ABHD2: variants seen among roughly 807,000 people sequenced by gnomAD.
ABHD2 encodes the protein abhydrolase domain containing 2, acylglycerol lipase, also known as monoacylglycerol lipase ABHD2.
In ABHD2, 20 loss-of-function variants were observed where a neutral mutation model predicts 48.1. That is an observed-to-expected ratio of 0.42 (90% CI 0.29 to 0.60). The LOEUF (loss-of-function observed/expected upper bound fraction) is 0.60, where lower values mean the gene tolerates loss of function less well. Ranked by LOEUF, ABHD2 falls within the 20% of genes least tolerant of loss-of-function variation. ABHD2 has a pLI of 0.24. For missense variants in ABHD2, 405 were observed against 550.9 expected (o/e 0.74, Z 2.65); for synonymous variants, 209 against 214.2 (o/e 0.98, Z 0.21).
chr15:89,125,166 G>T (rs550152891), intron 3 of ABHD2, among the ~76,000 whole-genome samples: 1 of 151,748 alleles, frequency 6.6e-6, no homozygotes, highest in African/African-American at 2.4e-5. Context: ...TGAGGCAGAA[G>T]AATCACTTGA....
At chr15:89,054,273 G>A in the ABHD2 span, among the ~76,000 whole-genome samples, 7 of 149,668 alleles carry the variant, frequency 4.7e-5, no homozygotes, top group African/African-American at 1.7e-4. Flanking sequence ...AGTGAGCCGA[G>A]ATAGCACCGC....
intron 3 of ABHD2, among the ~76,000 whole-genome samples, chr15:89,134,585 A>G (rs1195231866): frequency 6.6e-6 from 1 of 152,160 alleles, no homozygotes; most frequent in Non-Finnish European, 1.5e-5. Flanking sequence ...GCTTGTTTTC[A>G]TACTTTTCTT....
At position 89,092,419 on chromosome 15, in the gene ABHD2, T is replaced by G; in HGVS notation, c.-107+3856T>G. ...ACAGTTGACAAGATTAACAAATTAG[T>G]TTGGTTTGTTGCTTAAAAACTATTT... On this transcript the variant is annotated intron_variant, in intron 1 of 10. Transcript: ENST00000352732. This position sits in a 1 kb window ranked among gnomAD's most constrained non-coding sequence, Gnocchi z 4.4. Among the ~76,000 whole-genome samples, 1 of 152,346 alleles carries G rather than the reference T, an allele frequency of 6.6e-6. No individual in the cohort carries two copies. The highest frequency in any genetic ancestry group is 2.4e-5 in the African/African-American group (1 of 41,582).
intron 3 of ABHD2, among the ~76,000 whole-genome samples, chr15:89,131,344 C>A (rs758039537): frequency 3.9e-5 from 6 of 152,236 alleles, no homozygotes; most frequent in East Asian, 1.9e-4. Context: ...TACCTCCACA[C>A]AGCCTCTTTA....
At chr15:89,084,133 C>T (rs185597766), upstream of ABHD2, among the ~76,000 whole-genome samples, 2 of 151,268 alleles carry the variant, frequency 1.3e-5, no homozygotes, top group East Asian at 1.9e-4. This position sits in a 1 kb window ranked among gnomAD's most constrained non-coding sequence, Gnocchi z 4.4. Flanking sequence ...AACCTTAACT[C>T]GGTCCTCAAA....
intron 3 of ABHD2, among the ~76,000 whole-genome samples, chr15:89,143,421 A>T (rs1412276513): frequency 6.6e-6 from 1 of 152,170 alleles, no homozygotes; most frequent in Non-Finnish European, 1.5e-5. Flanking sequence ...TAATCCCAGC[A>T]CTTTGGGAGG....
At chr15:89,041,890 C>T in the ABHD2 span, among the ~76,000 whole-genome samples, 41 of 152,036 alleles carry the variant, frequency 2.7e-4, 1 homozygote, top group Admixed American at 1.9e-3. Flanking sequence ...GCATCTTCCC[C>T]TACCTGGAAT....
Position 89,097,932 on chromosome 15 carries a change from G to C in ABHD2, c.-107+9369G>C, listed in dbSNP as rs1399143993. 6.6e-6 allele frequency among the ~76,000 whole-genome samples: 1 copy of C among 151,918 alleles called. No individual in the cohort carries two copies. The highest frequency in any genetic ancestry group is 6.6e-5 in the Admixed American group (1 of 15,252). ...TTTTGAGACAGTCTCACTCTGTCACGCAGGCTGGATTGCAGTGGCAGGATC... is the reference window on the plus strand; with the variant it reads ...TTTTGAGACAGTCTCACTCTGTCACCCAGGCTGGATTGCAGTGGCAGGATC... On this transcript the variant is annotated intron_variant, in intron 1 of 10. Coordinates refer to ENST00000352732, the MANE Select transcript of ABHD2 (RefSeq NM_152924.5). This position sits in a 1 kb window ranked among gnomAD's most constrained non-coding sequence, Gnocchi z 4.2.
chr15:89,192,666 G>A (rs4932213), intron 9 of ABHD2, among the ~76,000 whole-genome samples: 136,482 of 152,184 alleles, frequency 0.9, 61,408 homozygotes, highest in East Asian at 1. Flanking sequence ...TAAGCCATAA[G>A]CCTGACCTAG....
intron 5 of ABHD2, among the ~76,000 whole-genome samples, chr15:89,156,690 C>T (rs1392913880): frequency 6.6e-6 from 1 of 151,482 alleles, no homozygotes; most frequent in Non-Finnish European, 1.5e-5. Context: ...CCACTACACT[C>T]CAGCCTGGGC....
intron 3 of ABHD2, among the ~76,000 whole-genome samples, chr15:89,117,245 T>A (rs293393): frequency 6.6e-6 from 1 of 151,984 alleles, no homozygotes; most frequent in Non-Finnish European, 1.5e-5. Context: ...AGGCTGGTCT[T>A]GAACTCCTGA....
At position 89,175,968 on chromosome 15, in the gene ABHD2, G is replaced by C; in HGVS notation, c.695G>C (p.Ser232Thr). ...CAAGAGAAGGTCCTGTGCTGCGTCA[G>C]CGTGTGCCAGGGGTACAGTGCACTG... ...ANQEKVLCCV[S>T]VCQGYSALRA... The change falls in exon 6 of 11, where the codon AGC (serine) becomes ACC (threonine). Residue 232 changes from serine to threonine, a missense_variant. Ser to Thr is a moderately conservative substitution (Grantham distance 58, BLOSUM62 1). Transcript: ENST00000352732. The surrounding 1 kb of genome is among the most constrained non-coding windows in gnomAD (Gnocchi z 5.7). 2 of 1,612,462 alleles carry C rather than the reference G, an allele frequency of 1.2e-6. No homozygotes were observed. Among genetic ancestry groups the C allele is most frequent in the Non-Finnish European group, 1.7e-6 (2 of 1,179,056 alleles).
Position 89,111,957 on chromosome 15 carries a change from T to A in ABHD2, c.-106-1768T>A, listed in dbSNP as rs149006054. 2.0e-3 allele frequency among the ~76,000 whole-genome samples: 308 copies of A among 151,412 alleles called. 2 individuals are homozygous for A. Among genetic ancestry groups the A allele is most frequent in the East Asian group, 0.015 (80 of 5,184 alleles). ...ATTTTTTATTTATATATATATATAT[T>A]GATTGTATATTTTTCAAATATTCAG... On this transcript the variant is annotated intron_variant, in intron 1 of 10. Coordinates refer to ENST00000352732, the MANE Select transcript of ABHD2 (RefSeq NM_152924.5).
chr15:89,101,739 A>G (rs1190022075), intron 1 of ABHD2, among the ~76,000 whole-genome samples: 1 of 152,222 alleles, frequency 6.6e-6, no homozygotes, highest in Admixed American at 6.5e-5. Context: ...GGTGAGAAAT[A>G]GTATGATTTT....
the ABHD2 span, among the ~76,000 whole-genome samples, chr15:89,073,382 G>T: frequency 6.6e-6 from 1 of 152,060 alleles, no homozygotes; most frequent in African/African-American, 2.4e-5. Flanking sequence ...TGCAACTTCC[G>T]CCTCCTAGGT....
Position 89,196,661 on chromosome 15 carries a change from C to T in ABHD2, c.*1238C>T, listed in dbSNP as rs975684821. 6.6e-6 allele frequency: 1 copy of T among 152,062 alleles called. No homozygotes were observed. Among genetic ancestry groups the T allele is most frequent in the African/African-American group, 2.4e-5 (1 of 41,382 alleles). 9.4% of individuals were successfully genotyped at this position (152,062 alleles called of 1,614,324 possible). A position where few individuals can be genotyped will look rare whatever the true frequency, so the allele number is the denominator to read the frequency against. ...TAATTTTAGTTTTTAAACCCAAGTC[C>T]CTCTAACTTTGCCTTTGATACCAAA... is the stretch of plus-strand genomic sequence containing the variant. On this transcript the variant is annotated 3_prime_UTR_variant, in exon 11 of 11. Transcript: ENST00000352732.
At position 89,100,015 on chromosome 15, in the gene ABHD2, C is replaced by T. The variant is rs1419692285; in HGVS notation, c.-107+11452C>T. Among the ~76,000 whole-genome samples, 1 of 152,014 alleles carries T rather than the reference C, an allele frequency of 6.6e-6. No individual in the cohort carries two copies. The highest frequency in any genetic ancestry group is 1.5e-5 in the Non-Finnish European group (1 of 67,994). ...AGAGTCTTTACCCTAACTTATGGTT[C>T]ACAGATTTAATATTTTGTCTGGGCA... On this transcript the variant is annotated intron_variant, in intron 1 of 10. Transcript: ENST00000352732. The surrounding 1 kb of genome is among the most constrained non-coding windows in gnomAD (Gnocchi z 4.4).
the ABHD2 span, among the ~76,000 whole-genome samples, chr15:89,063,063 G>T: frequency 6.6e-6 from 1 of 151,290 alleles, no homozygotes; most frequent in African/African-American, 2.4e-5. Flanking sequence ...CACCTCCTGG[G>T]TTCAGGTGAC....
chr15:89,178,198 A>C (rs368179262), intron 6 of ABHD2, among the ~76,000 whole-genome samples: 1 of 152,358 alleles, frequency 6.6e-6, no homozygotes, highest in East Asian at 1.9e-4. Flanking sequence ...GTGGTCCTGC[A>C]TATGGGAACT....
Sources: gnomAD v4.1 joint callset for allele counts (sites outside exome capture counted in the v4.1 genomes callset) on GRCh38, gnomAD v4.1.1 for gene constraint, Gnocchi (gnomAD v3.1) non-coding constraint, MANE v1.5 for transcripts, NCBI Gene and HGNC (gene_info 2026-07-23, HGNC 2026-07-21) for gene names.